JMJD1C: variants seen among roughly 807,000 people sequenced by gnomAD.
JMJD1C encodes jumonji domain-containing protein 1C.
In JMJD1C, 31 loss-of-function variants were observed where a neutral mutation model predicts 245.3. The observed-to-expected ratio is 0.13, with a 90% CI of 0.09 to 0.17. The LOEUF is 0.17. JMJD1C is among the 10% of genes least tolerant of loss of function. JMJD1C has a pLI of 1.00. For missense variants in JMJD1C, 2,691 were observed against 3,000.2 expected, an observed-to-expected ratio of 0.90 and a Z score of 2.41; for synonymous variants, 1,057 against 1,017.4, an observed-to-expected ratio of 1.04 and a Z score of -0.74.
intron 2 of JMJD1C, among the ~76,000 whole-genome samples, chr10:63,297,730 G>T (rs750437459): frequency 7.9e-5 from 12 of 152,108 alleles, no homozygotes; most frequent in Non-Finnish European, 1.3e-4. Flanking sequence ...AAAGCAACAG[G>T]GCCGGGCCAG....
chr10:63,472,039 A>AAAAC lies in JMJD1C; in HGVS notation n.113+49695_113+49698dup, dbSNP rs1055525050. Among the ~76,000 whole-genome samples the AAAAC allele has an allele frequency of 6.9e-4, 105 of 152,242 alleles. 1 individual carries two copies. The highest frequency in any genetic ancestry group is 1.7e-3 in the African/African-American group (71 of 41,562). ...GGGCGACAGAGTGAGACTCAGTCTC[A>AAAAC]AAACAAACAAACAAACAAACAAACA... On this transcript the variant is annotated intron_variant and non_coding_transcript_variant, in intron 1 of 3. Coordinates refer to the JMJD1C transcript ENST00000633035.
At chr10:63,287,806 T>G (rs952543471) in intron 2 of JMJD1C, among the ~76,000 whole-genome samples, 4 of 152,086 alleles carry the variant, frequency 2.6e-5, no homozygotes, top group Non-Finnish European at 4.4e-5. Context: ...TGGAGTGCAA[T>G]GGTACGGTCT....
intron 1 of JMJD1C, among the ~76,000 whole-genome samples, chr10:63,493,924 CAAAG>C (rs1462546011): frequency 3.3e-5 from 5 of 152,216 alleles, no homozygotes; most frequent in South Asian, 2.1e-4. Context: ...AAAATAAAAA[CAAAG>C]AGAGAGAGAA....
At chr10:63,175,484 T>C (rs1842792591) in intron 24 of JMJD1C, among the ~76,000 whole-genome samples, 1 of 152,226 alleles carries the variant, frequency 6.6e-6, no homozygotes, top group Admixed American at 6.5e-5. Context: ...TAAGCAATTA[T>C]TATCACCTAA....
intron 2 of JMJD1C, among the ~76,000 whole-genome samples, chr10:63,375,076 G>C (rs1252159530): frequency 6.6e-6 from 1 of 151,926 alleles, no homozygotes; most frequent in South Asian, 2.1e-4. Flanking sequence ...GCAAAAGCAG[G>C]GATCCCTTGT....
intron 2 of JMJD1C, among the ~76,000 whole-genome samples, chr10:63,333,908 A>G (rs1193106932): frequency 1.3e-5 from 2 of 152,216 alleles, no homozygotes; most frequent in Non-Finnish European, 2.9e-5. Flanking sequence ...ATCTGTATCT[A>G]TAGACAGTTT....
intron 1 of JMJD1C, among the ~76,000 whole-genome samples, chr10:63,516,133 G>A (rs563255579): frequency 1.7e-4 from 13 of 76,972 alleles, no homozygotes; most frequent in Non-Finnish European, 3.0e-4. Context: ...TTGTCACATC[G>A]TTTACTGAAT....
At chr10:63,222,039 C>A (rs1022312741) in intron 3 of JMJD1C, 3 of 418,506 alleles carry the variant, frequency 7.2e-6, no homozygotes, top group Non-Finnish European at 1.3e-5. Context: ...AACTATTTTA[C>A]AAGGAAAACC....
At chr10:63,254,108 G>A (rs1853500682) in intron 3 of JMJD1C, among the ~76,000 whole-genome samples, 1 of 151,970 alleles carries the variant, frequency 6.6e-6, no homozygotes, top group South Asian at 2.1e-4. Context: ...GACTGACAAG[G>A]GCTTCATTTT....
intron 22 of JMJD1C, among the ~76,000 whole-genome samples, chr10:63,178,127 C>A (rs41305006): frequency 6.6e-6 from 1 of 151,992 alleles, no homozygotes; most frequent in Non-Finnish European, 1.5e-5. Flanking sequence ...TTTTAGTAGC[C>A]GTGGGGTTTC....
intron 2 of JMJD1C, among the ~76,000 whole-genome samples, chr10:63,373,253 G>C (rs975986466): frequency 5.3e-5 from 8 of 152,184 alleles, no homozygotes; most frequent in Non-Finnish European, 8.8e-5. Context: ...AGCAAAAAAA[G>C]ACACCACTTC....
At chr10:63,197,040 C>G (rs1204942859) in intron 13 of JMJD1C, among the ~76,000 whole-genome samples, 1 of 151,868 alleles carries the variant, frequency 6.6e-6, no homozygotes, top group African/African-American at 2.4e-5. Flanking sequence ...TGGGTTCAAG[C>G]AATCTTTGGA....
rs573781970 is a variant in JMJD1C, at chr10:63,429,349, G to GA, written c.168+36145dup. ...GCCTCAGGATCTGAGAACGGAAGAAGAAAAAAAAAAGACAGCTTTGAAGAT... is the reference window on the plus strand; with the variant it reads ...GCCTCAGGATCTGAGAACGGAAGAAGAAAAAAAAAAAGACAGCTTTGAAGAT... On this transcript the variant is annotated intron_variant, in intron 1 of 25. Transcript: ENST00000399262. Among the ~76,000 whole-genome samples, 263 of 147,076 alleles carry GA rather than the reference G, an allele frequency of 1.8e-3. 2 individuals carry two copies. The highest frequency in any genetic ancestry group is 3.4e-3 in the Middle Eastern group (1 of 290).
chr10:63,210,110 T>C (rs1407908038), intron 8 of JMJD1C, among the ~76,000 whole-genome samples: 1 of 151,950 alleles, frequency 6.6e-6, no homozygotes, highest in Non-Finnish European at 1.5e-5. Context: ...AAACATACAC[T>C]ATAGCCATAA....
chr10:63,365,673 A>G (rs1201749584), intron 2 of JMJD1C, among the ~76,000 whole-genome samples: 2 of 152,244 alleles, frequency 1.3e-5, no homozygotes, highest in Admixed American at 6.5e-5. Context: ...TGTGCTACTA[A>G]TTAAAATGAA....
chr10:63,248,583 T>TG, intron 3 of JMJD1C, among the ~76,000 whole-genome samples: 1 of 151,106 alleles, frequency 6.6e-6, no homozygotes, highest in African/African-American at 2.4e-5. Flanking sequence ...GGAATAATGA[T>TG]GGACACTGTT....
chr10:63,372,788 A>C (rs1946413584), intron 2 of JMJD1C, among the ~76,000 whole-genome samples: 1 of 152,380 alleles, frequency 6.6e-6, no homozygotes, highest in South Asian at 2.1e-4. Context: ...ATGCAAACAA[A>C]TAGGTATAAT....
chr10:63,373,205 A>G (rs1946448012), intron 2 of JMJD1C, among the ~76,000 whole-genome samples: 1 of 152,228 alleles, frequency 6.6e-6, no homozygotes, highest in South Asian at 2.1e-4. Flanking sequence ...CTACAGCATT[A>G]GAATGGCCTC....
rs148196293 is a variant in JMJD1C, at chr10:63,235,331, C to G, written c.448-15348G>C. ...GCCAACACAGTGAAACCCCATCGCT[C>G]CTAAAAATACAAAAAATTAGCTGGG... On this transcript the variant is annotated intron_variant, in intron 3 of 25. Coordinates refer to ENST00000399262, the MANE Select transcript of JMJD1C (RefSeq NM_032776.3). Among the ~76,000 whole-genome samples, 595 of 151,966 alleles carry G rather than the reference C, an allele frequency of 3.9e-3. 2 individuals carry two copies. Among genetic ancestry groups the G allele is most frequent in the African/African-American group, 0.013 (530 of 41,458 alleles).
Sources: allele counts gnomAD v4.1 joint callset (sites outside exome capture counted in the v4.1 genomes callset), GRCh38; gene constraint gnomAD v4.1.1; transcripts MANE v1.5; gene names NCBI Gene and HGNC (gene_info 2026-07-23, HGNC 2026-07-21).